Variants in EHD3 observed in about 807,000 individuals in gnomAD.
EHD3 encodes the protein EH domain-containing protein 3.
Under a neutral mutation model 43.0 loss-of-function variants are expected in EHD3, and 17 were observed. The ratio of observed to expected loss-of-function variants is 0.40; its 90% confidence interval spans 0.27 to 0.59. EHD3 has a LOEUF of 0.59. Among genes scored for constraint, EHD3 ranks in the 20% least tolerant of loss-of-function variants. The pLI is 0.49. For missense variants in EHD3, 594 were observed against 705.6 expected, an observed-to-expected ratio of 0.84 and a Z score of 1.79; for synonymous variants, 313 against 289.5, an observed-to-expected ratio of 1.08 and a Z score of -0.82.
intron 1 of EHD3, among the ~76,000 whole-genome samples, chr2:31,239,279 C>A (rs1209465414): frequency 1.3e-5 from 2 of 152,216 alleles, no homozygotes; most frequent in African/African-American, 4.8e-5. Context: ...ATAGCCCCTG[C>A]ACCACCTTCA....
In EHD3 at chr2:31,266,387, G is replaced by A. The variant is rs1433079790; in HGVS notation, c.1291G>A (p.Gly431Arg). Residue 431 changes from glycine to arginine, a missense_variant, in exon 6 of 6, where the codon GGA (glycine) becomes AGA (arginine). Coordinates refer to ENST00000322054, the MANE Select transcript of EHD3 (RefSeq NM_014600.3). The surrounding 1 kb of genome is among the most constrained non-coding windows in gnomAD (Gnocchi z 5.1). ...TGGGCATGGCTATGGGGAGGGGGCT[G>A]GAGAAGGTATCGATGATGCTGAGTG... The part of the protein sequence containing the change: ...PFGHGYGEGA[G>R]EGIDDAEWVV... 2 of 1,614,026 alleles carry A rather than the reference G, an allele frequency of 1.2e-6. No individual in the cohort carries two copies. Among genetic ancestry groups the A allele is most frequent in the African/African-American group, 2.7e-5 (2 of 74,942 alleles).
intron 1 of EHD3, 28 bp downstream of exon 1, chr2:31,234,876 C>A: frequency 4.3e-6 from 7 of 1,609,854 alleles, no homozygotes; most frequent in Non-Finnish European, 6.0e-6. Flanking sequence ...CCTGGCAGCC[C>A]ACCCCGGAGC....
rs1683947061 is a variant in EHD3 at position 31,266,177 on chromosome 2, G to A, written c.1081G>A (p.Asp361Asn). The part of the protein sequence containing the change: ...GDFPNLKRMQ[D>N]QLQAQDFSKF... ...TCATCCTCTCTCCTCCTCTTCCCAG[G>A]ACCAGCTGCAGGCCCAGGACTTTAG... Residue 361 changes from aspartate to asparagine, a missense_variant and splice_region_variant, in exon 6 of 6, where the codon GAC (aspartate) becomes AAC (asparagine). Around this residue, in one of 3 missense-constraint regions of EHD3, gnomAD observed 322 missense variants for 348.0 expected, o/e 0.93. Coordinates refer to ENST00000322054, the MANE Select transcript of EHD3 (RefSeq NM_014600.3). This position sits in a 1 kb window ranked among gnomAD's most constrained non-coding sequence, Gnocchi z 5.1. 4.4e-6 allele frequency: 7 copies of A among 1,608,026 alleles called. No individual in the cohort carries two copies. The highest frequency in any genetic ancestry group is 6.0e-6 in the Non-Finnish European group (7 of 1,175,574).
chr2:31,261,512 C>G, intron 4 of EHD3, 37 bp from the exon 5 acceptor site: 2 of 1,612,404 alleles, frequency 1.2e-6, no homozygotes, highest in Non-Finnish European at 1.7e-6. Flanking sequence ...CGTCCAGGGT[C>G]TTGATGTGAA....
At chr2:31,255,107 A>G (rs968472598) in intron 3 of EHD3, among the ~76,000 whole-genome samples, 1 of 152,180 alleles carries the variant, frequency 6.6e-6, no homozygotes, top group Non-Finnish European at 1.5e-5. Context: ...AGGGGACCAT[A>G]GATCCCTGCA....
intron 4 of EHD3, among the ~76,000 whole-genome samples, chr2:31,261,177 G>A (rs1468033562): frequency 2.0e-5 from 3 of 152,188 alleles, no homozygotes; most frequent in Non-Finnish European, 4.4e-5. Context: ...GTTTGCATCT[G>A]TAAAATGAAG....
Position 31,234,695 on chromosome 2 carries a change from TC to T in EHD3, c.75del (p.Lys26ArgfsTer61), listed in dbSNP as rs760122139. ...GTTTTCCAGACGGTGAGTGAGGGGCTCAAGAAACTCTACAAGAGCAAGCTGC... is the reference window on the plus strand; with the variant it reads ...GTTTTCCAGACGGTGAGTGAGGGGCTAAGAAACTCTACAAGAGCAAGCTGC... The part of the protein sequence containing the change: ...PEVFQTVSEG[L>X]KKLYKSKLLP... On this transcript the variant is annotated frameshift_variant, in exon 1 of 6. Transcript: ENST00000322054. LOFTEE classifies it high-confidence loss of function. 1 of 1,614,120 alleles carries T rather than the reference TC, an allele frequency of 6.2e-7. No individual in the cohort carries two copies. The highest frequency in any genetic ancestry group is 8.5e-7 in the Non-Finnish European group (1 of 1,180,010).
Position 31,268,798 on chromosome 2 carries a change from G to A in EHD3, c.*2094G>A, listed in dbSNP as rs1684002259. ...TTTCTTCAAGCTGAAGGAGAAATGG[G>A]AAGGAAATAGCAGAGGTAGGTGAAG... On this transcript the variant is annotated 3_prime_UTR_variant, in exon 6 of 6. Coordinates refer to ENST00000322054, the MANE Select transcript of EHD3 (RefSeq NM_014600.3). 1 of 152,244 alleles carries A rather than the reference G, an allele frequency of 6.6e-6. No homozygotes were observed. The highest frequency in any genetic ancestry group is 2.4e-5 in the African/African-American group (1 of 41,456). The allele number at this position is 152,244 out of a possible 1,614,324, so 9.4% of individuals were successfully genotyped here. A position where few individuals can be genotyped will look rare whatever the true frequency, so the allele number is the denominator to read the frequency against.
chr2:31,264,607 T>G (rs1176539821), intron 5 of EHD3, among the ~76,000 whole-genome samples: 1 of 142,356 alleles, frequency 7.0e-6, no homozygotes, highest in Non-Finnish European at 1.5e-5. Context: ...CGATCTCGGC[T>G]CACTGCAACC....
At chr2:31,238,224 GCCTCC>G (rs1481239608) in intron 1 of EHD3, among the ~76,000 whole-genome samples, 1 of 152,080 alleles carries the variant, frequency 6.6e-6, no homozygotes, top group Non-Finnish European at 1.5e-5. Flanking sequence ...GTCTCAGAAG[GCCTCC>G]TCCTCTCCCT....
At chr2:31,259,325 T>A (rs1268419546) in intron 3 of EHD3, among the ~76,000 whole-genome samples, 1 of 152,198 alleles carries the variant, frequency 6.6e-6, no homozygotes, top group Non-Finnish European at 1.5e-5. Flanking sequence ...TCACTTGACT[T>A]CTCTGAGCCC....
intron 2 of EHD3, among the ~76,000 whole-genome samples, chr2:31,246,952 A>G (rs1345099256): frequency 6.6e-6 from 1 of 151,090 alleles, no homozygotes; most frequent in Non-Finnish European, 1.5e-5. Context: ...GCTGAAGTGC[A>G]GTGGCATGAT....
At chr2:31,247,773 T>C (rs1683554542) in intron 2 of EHD3, among the ~76,000 whole-genome samples, 1 of 152,204 alleles carries the variant, frequency 6.6e-6, no homozygotes, top group Non-Finnish European at 1.5e-5. Flanking sequence ...ACGAGGCCTT[T>C]GTGGGAAAGT....
intron 1 of EHD3, among the ~76,000 whole-genome samples, chr2:31,241,607 T>C (rs974233362): frequency 6.6e-6 from 1 of 152,188 alleles, no homozygotes; most frequent in Non-Finnish European, 1.5e-5. Context: ...TGAAACGAGA[T>C]AATCCATGGA....
At chr2:31,238,033 A>G (rs1361704558) in intron 1 of EHD3, among the ~76,000 whole-genome samples, 1 of 151,972 alleles carries the variant, frequency 6.6e-6, no homozygotes, top group Non-Finnish European at 1.5e-5. Context: ...TGAGATTCCC[A>G]GAAGTGGAAT....
intron 2 of EHD3, among the ~76,000 whole-genome samples, chr2:31,246,018 C>T (rs1322440985): frequency 6.6e-6 from 1 of 152,044 alleles, no homozygotes; most frequent in African/African-American, 2.4e-5. Flanking sequence ...CCAAGGTGTG[C>T]GCCCAGAGTA....
chr2:31,245,024 G>C (rs1349503562), intron 2 of EHD3, among the ~76,000 whole-genome samples: 6 of 152,304 alleles, frequency 3.9e-5, no homozygotes, highest in African/African-American at 1.4e-4. Flanking sequence ...AGGAATGCTT[G>C]GCAAACTAAT....
At chr2:31,239,846 A>ACC (rs1553402096) in intron 1 of EHD3, among the ~76,000 whole-genome samples, 2 of 151,876 alleles carry the variant, frequency 1.3e-5, no homozygotes, top group Non-Finnish European at 1.5e-5. Context: ...TCTCGAGCTG[A>ACC]CTCTAACAGG....
At position 31,266,761 on chromosome 2, in the gene EHD3, TAC is replaced by T. The variant is rs67643147; in HGVS notation, c.*89_*90del. The T allele has an allele frequency of 0.15, 165,376 of 1,120,930 alleles. 436 individuals are homozygous for T. The highest frequency in any genetic ancestry group is 0.29 in the East Asian group (10,918 of 37,034). The allele number at this position is 1,120,930 out of a possible 1,614,324, so 69.4% of individuals were successfully genotyped here. A position where few individuals can be genotyped will look rare whatever the true frequency, so the allele number is the denominator to read the frequency against. The stretch of plus-strand genomic sequence containing the variant: ...TAGAGGAGGAGATGGGAGCGGTGAC[TAC>T]ACACACACACACACACACACACACA... On this transcript the variant is annotated 3_prime_UTR_variant, in exon 6 of 6. Transcript: ENST00000322054. The surrounding 1 kb of genome is among the most constrained non-coding windows in gnomAD (Gnocchi z 5.1).
Sources: allele counts gnomAD v4.1 joint callset (sites outside exome capture counted in the v4.1 genomes callset), GRCh38; gene constraint gnomAD v4.1.1; regional missense constraint gnomAD v4.1.1; non-coding constraint Gnocchi (gnomAD v3.1); transcripts MANE v1.5; gene names NCBI Gene and HGNC (gene_info 2026-07-23, HGNC 2026-07-21).